Variants in PLCH1 observed in about 807,000 individuals in gnomAD.
PLCH1 encodes the protein phospholipase C eta 1, also known as 1-phosphatidylinositol 4,5-bisphosphate phosphodiesterase eta-1.
A neutral mutation model predicts 126.7 loss-of-function variants in PLCH1; 60 were observed. That is an observed-to-expected ratio of 0.47 (90% CI 0.38 to 0.59). The LOEUF (loss-of-function observed/expected upper bound fraction) is 0.59. PLCH1 is among the 20% of genes least tolerant of loss of function. The pLI is 0.00. For synonymous variants in PLCH1, 719 were observed against 734.9 expected (o/e 0.98, Z 0.35); for missense variants, 1,723 against 2,040.0 (o/e 0.84, Z 2.99).
In PLCH1 at chr3:155,596,578, G is replaced by GAA. The variant is rs34847648; in HGVS notation, c.80-202_80-201dup. Among the ~76,000 whole-genome samples, 229 of 135,716 alleles carry GAA rather than the reference G, an allele frequency of 1.7e-3. 1 individual carries two copies. Among genetic ancestry groups the GAA allele is most frequent in the African/African-American group, 6.2e-3 (224 of 36,404 alleles). The allele number at this position is 135,716 out of a possible 152,430, so 89.0% of individuals were successfully genotyped here. ...AAGTCAGTAAAAAGCCTTACTAACA[G>GAA]AAAAAAAAAAAAAAAAATCTACTTC... On this transcript the variant is annotated intron_variant, in intron 2 of 22. Transcript: ENST00000460012.
intron 1 of PLCH1, among the ~76,000 whole-genome samples, chr3:155,729,139 G>C (rs1748566551): frequency 6.6e-6 from 1 of 152,152 alleles, no homozygotes. Context: ...TCTAAGAAAA[G>C]GCATCCCCCA....
intron 5 of PLCH1, among the ~76,000 whole-genome samples, chr3:155,584,574 C>G (rs1731118446): frequency 6.6e-6 from 1 of 152,158 alleles, no homozygotes; most frequent in Non-Finnish European, 1.5e-5. Flanking sequence ...TAATAAGCAA[C>G]TGACCCACTT....
At chr3:155,688,530 A>G (rs1745126959) in intron 2 of PLCH1, among the ~76,000 whole-genome samples, 2 of 152,176 alleles carry the variant, frequency 1.3e-5, no homozygotes, top group Admixed American at 6.5e-5. Context: ...AAGCACCATC[A>G]CAGGAACCAA....
In PLCH1 at chr3:155,480,155, T is replaced by C. The variant is rs912904502; in HGVS notation, c.*813A>G. ...TTTTCAATTTGTGCTACTATTATCA[T>C]TAGAGTCTGATGGAAGTCCCTCATT... On this transcript the variant is annotated 3_prime_UTR_variant, in exon 23 of 23. Coordinates refer to ENST00000460012, the MANE Select transcript of PLCH1 (RefSeq NM_014996.4). 1 of 152,636 alleles carries C rather than the reference T, an allele frequency of 6.6e-6. No individual in the cohort carries two copies. The highest frequency in any genetic ancestry group is 2.4e-5 in the African/African-American group (1 of 41,464). 9.5% of individuals were successfully genotyped at this position (152,636 alleles called of 1,614,324 possible).
intron 2 of PLCH1, among the ~76,000 whole-genome samples, chr3:155,644,247 C>T (rs1232233136): frequency 2.0e-5 from 3 of 152,136 alleles, no homozygotes; most frequent in African/African-American, 7.2e-5. Context: ...GTCTCTGGAG[C>T]TCAGAGCTAT....
intron 12 of PLCH1, among the ~76,000 whole-genome samples, chr3:155,506,079 T>A (rs140046012): frequency 1.5e-4 from 23 of 152,226 alleles, no homozygotes; most frequent in African/African-American, 4.8e-4. Flanking sequence ...AGGTATATGG[T>A]CACCCTATTT....
chr3:155,716,211 C>T (rs1747493900), intron 1 of PLCH1, among the ~76,000 whole-genome samples: 1 of 152,188 alleles, frequency 6.6e-6, no homozygotes, highest in African/African-American at 2.4e-5. Context: ...GAGATTTAGT[C>T]TGTATGACAC....
rs550638752 is a variant in PLCH1, at chr3:155,646,980, G to T, written c.80-50602C>A. ...ATGAAGTCCAATTCCCCACCCCATGGACACAGCTAGCCTTTGTGACTCCTA... is the reference window on the plus strand; with the variant it reads ...ATGAAGTCCAATTCCCCACCCCATGTACACAGCTAGCCTTTGTGACTCCTA... On this transcript the variant is annotated intron_variant, in intron 2 of 22. Coordinates refer to ENST00000460012, the MANE Select transcript of PLCH1 (RefSeq NM_014996.4). Among the ~76,000 whole-genome samples, 4 of 152,214 alleles carry T rather than the reference G, an allele frequency of 2.6e-5. No individual in the cohort carries two copies. In the East Asian group the frequency reaches 5.8e-4, roughly 22 times the overall value.
intron 1 of PLCH1, among the ~76,000 whole-genome samples, chr3:155,721,524 T>G (rs1188589224): frequency 6.6e-6 from 1 of 152,222 alleles, no homozygotes; most frequent in African/African-American, 2.4e-5. Flanking sequence ...TCGCTGTTCA[T>G]GTATAGCAGA....
chr3:155,721,275 T>C (rs1005900195), intron 1 of PLCH1, among the ~76,000 whole-genome samples: 2 of 152,208 alleles, frequency 1.3e-5, no homozygotes, highest in Non-Finnish European at 1.5e-5. Flanking sequence ...TTGATGGGAA[T>C]TGCATTAAAT....
intron 6 of PLCH1, among the ~76,000 whole-genome samples, chr3:155,581,938 C>T (rs373984237): frequency 6.6e-6 from 1 of 151,062 alleles, no homozygotes; most frequent in South Asian, 2.1e-4. Flanking sequence ...TAGTAGAGAC[C>T]GGGTTTCTCC....
chr3:155,604,971 T>C (rs1231697121), intron 2 of PLCH1, among the ~76,000 whole-genome samples: 1 of 152,198 alleles, frequency 6.6e-6, no homozygotes, highest in African/African-American at 2.4e-5. Context: ...TTGTCTCTCT[T>C]TGCCATTCTG....
chr3:155,462,966 G>A (rs1305155163), intron 21 of PLCH1, among the ~76,000 whole-genome samples: 2 of 152,168 alleles, frequency 1.3e-5, no homozygotes, highest in East Asian at 3.9e-4. Context: ...AGATAGGAAA[G>A]ATATCAGAAG....
chr3:155,678,876 A>G (rs947559080), intron 2 of PLCH1, among the ~76,000 whole-genome samples: 8 of 152,176 alleles, frequency 5.3e-5, no homozygotes, highest in African/African-American at 1.9e-4. Flanking sequence ...AATTACCTTC[A>G]CCAATCAGGT....
At chr3:155,729,414 G>GA in intron 1 of PLCH1, among the ~76,000 whole-genome samples, 2 of 152,162 alleles carry the variant, frequency 1.3e-5, no homozygotes, top group Admixed American at 6.5e-5. Context: ...CAAAAATACA[G>GA]AAAAAAGTTC....
At chr3:155,638,031 A>T (rs1048155196) in intron 2 of PLCH1, among the ~76,000 whole-genome samples, 7 of 152,220 alleles carry the variant, frequency 4.6e-5, no homozygotes, top group Non-Finnish European at 7.3e-5. Flanking sequence ...AAGCTTGATG[A>T]TAAACATCAC....
At chr3:155,530,947 T>C (rs1373552152) in intron 10 of PLCH1, among the ~76,000 whole-genome samples, 1 of 152,256 alleles carries the variant, frequency 6.6e-6, no homozygotes, top group East Asian at 1.9e-4. Flanking sequence ...TTAATCTACT[T>C]ATACATCTCA....
chr3:155,717,181 C>T (rs1290960946), intron 1 of PLCH1, among the ~76,000 whole-genome samples: 1 of 152,280 alleles, frequency 6.6e-6, no homozygotes, highest in African/African-American at 2.4e-5. Context: ...AGACCTTGGG[C>T]AGCACTGCCT....
intron 21 of PLCH1, among the ~76,000 whole-genome samples, chr3:155,473,423 A>G (rs2107985371): frequency 6.6e-6 from 1 of 152,246 alleles, no homozygotes; most frequent in Non-Finnish European, 1.5e-5. Flanking sequence ...AGGAAATAAA[A>G]GAGGATACAA....
Sources: allele counts gnomAD v4.1 joint callset (sites outside exome capture counted in the v4.1 genomes callset), GRCh38; gene constraint gnomAD v4.1.1; transcripts MANE v1.5; gene names NCBI Gene and HGNC (gene_info 2026-07-23, HGNC 2026-07-21).